SNUPN: variants seen among roughly 807,000 people sequenced by gnomAD.
SNUPN encodes snurportin-1.
In SNUPN, 31 loss-of-function variants were observed where a neutral mutation model predicts 39.2. The ratio of observed to expected loss-of-function variants is 0.79; its 90% CI spans 0.59 to 1.07. The LOEUF (loss-of-function observed/expected upper bound fraction) is 1.07, where lower values mean the gene tolerates loss of function less well. Ranked by LOEUF, SNUPN falls within the 50% of genes least tolerant of loss-of-function variation. SNUPN has a pLI of 0.00. For synonymous variants in SNUPN, 132 were observed against 159.0 expected, an observed-to-expected ratio of 0.83 and a Z score of 1.28; for missense variants, 382 against 434.2, an observed-to-expected ratio of 0.88 and a Z score of 1.07.
intron 5 of SNUPN, 91 bp from the exon 6 acceptor site, chr15:75,607,404 G>A: frequency 1.2e-6 from 1 of 816,184 alleles, no homozygotes; most frequent in Admixed American, 1.9e-5. Context: ...CCAGAGGCTT[G>A]AGTCCAACAA....
intron 3 of SNUPN, among the ~76,000 whole-genome samples, chr15:75,611,071 G>A (rs1892765716): frequency 6.6e-6 from 1 of 151,750 alleles, no homozygotes; most frequent in Non-Finnish European, 1.5e-5. Context: ...AGGAGGCTGA[G>A]GCAGGAAAAT....
intron 2 of SNUPN, among the ~76,000 whole-genome samples, chr15:75,620,399 T>A (rs1291836023): frequency 6.6e-6 from 1 of 152,174 alleles, no homozygotes; most frequent in African/African-American, 2.4e-5. Flanking sequence ...ATCTTGGCAC[T>A]TAGAATTAAG....
chr15:75,624,254 T>C (rs539053756), intron 1 of SNUPN, among the ~76,000 whole-genome samples: 2 of 151,282 alleles, frequency 1.3e-5, no homozygotes, highest in East Asian at 2.0e-4. Context: ...AGTCATTATG[T>C]TTTCAGTTCA....
chr15:75,608,032 AC>A (rs944208743), intron 5 of SNUPN, among the ~76,000 whole-genome samples: 4 of 152,154 alleles, frequency 2.6e-5, no homozygotes, highest in African/African-American at 9.7e-5. Context: ...TAGGGGAAAG[AC>A]ATGGGATGGG....
intron 7 of SNUPN, among the ~76,000 whole-genome samples, chr15:75,601,741 G>C (rs2075288845): frequency 6.6e-6 from 1 of 152,086 alleles, no homozygotes; most frequent in Admixed American, 6.6e-5. Context: ...GCCAGACCCT[G>C]TCTCAAAAAC....
At chr15:75,603,388 G>A (rs1435447023) in intron 7 of SNUPN, among the ~76,000 whole-genome samples, 2 of 150,196 alleles carry the variant, frequency 1.3e-5, no homozygotes, top group Non-Finnish European at 3.0e-5. Context: ...TGGGCCGGGT[G>A]CAGTGGATCA....
intron 7 of SNUPN, among the ~76,000 whole-genome samples, chr15:75,601,654 A>G (rs1040056851): frequency 2.6e-5 from 4 of 152,132 alleles, no homozygotes; most frequent in Non-Finnish European, 5.9e-5. Flanking sequence ...CTGCTGAGGT[A>G]GAAGGATCGC....
At chr15:75,602,032 T>C (rs2075291729) in intron 7 of SNUPN, among the ~76,000 whole-genome samples, 2 of 152,072 alleles carry the variant, frequency 1.3e-5, no homozygotes, top group South Asian at 4.1e-4. Flanking sequence ...CATGAGCCAC[T>C]GTACCCAGCC....
At chr15:75,604,787 A>G (rs2075318764) in intron 7 of SNUPN, among the ~76,000 whole-genome samples, 1 of 146,898 alleles carries the variant, frequency 6.8e-6, no homozygotes, top group Non-Finnish European at 1.6e-5. Context: ...GTTTGGTTAC[A>G]TGAATAAGTT....
chr15:75,606,321 C>A (rs561048601), intron 6 of SNUPN, among the ~76,000 whole-genome samples: 2 of 151,844 alleles, frequency 1.3e-5, no homozygotes, highest in Non-Finnish European at 2.9e-5. Context: ...ACCTAGTATG[C>A]GGGAATGGCT....
intron 5 of SNUPN, among the ~76,000 whole-genome samples, chr15:75,608,068 G>T (rs1892678209): frequency 6.6e-6 from 1 of 152,098 alleles, no homozygotes; most frequent in African/African-American, 2.4e-5. Context: ...CATGTGAAAG[G>T]TACTAAACGC....
At chr15:75,615,498 A>G (rs1427242379) in intron 3 of SNUPN, among the ~76,000 whole-genome samples, 3 of 150,854 alleles carry the variant, frequency 2.0e-5, no homozygotes, top group Admixed American at 6.6e-5. Flanking sequence ...ACTTCTATCT[A>G]TTAATGTCCT....
intron 2 of SNUPN, 57 bp downstream of exon 2, chr15:75,620,837 G>A: frequency 1.3e-6 from 2 of 1,491,596 alleles, no homozygotes; most frequent in Non-Finnish European, 1.8e-6. Flanking sequence ...AGAGCCTTCG[G>A]AATGGTTCAT....
At chr15:75,605,376 G>A (rs2075323329) in intron 6 of SNUPN, 149 bp from the exon 7 acceptor site, 9 of 482,750 alleles carry the variant, frequency 1.9e-5, no homozygotes, top group South Asian at 2.4e-5. Context: ...GTACAGTCTC[G>A]GCTCACTGTA....
intron 8 of SNUPN, among the ~76,000 whole-genome samples, chr15:75,599,999 C>T (rs538064708): frequency 6.6e-6 from 1 of 151,968 alleles, no homozygotes; most frequent in East Asian, 1.9e-4. Flanking sequence ...GCGTGTGCCA[C>T]CATGCCTGGC....
At chr15:75,605,359 T>C in intron 6 of SNUPN, 132 bp from the exon 7 acceptor site, 1 of 554,222 alleles carries the variant, frequency 1.8e-6, no homozygotes, top group African/African-American at 2.0e-5. Flanking sequence ...CAGGCTGGAG[T>C]GCAATGGTAC....
chr15:75,617,348 T>C, intron 3 of SNUPN, 60 bp downstream of exon 3: 1 of 1,553,288 alleles, frequency 6.4e-7, no homozygotes, highest in Non-Finnish European at 8.8e-7. Flanking sequence ...TTCAGTGGGC[T>C]TTGACTGCAT....
intron 1 of SNUPN, chr15:75,622,479 T>C (rs1271880839): frequency 1.0e-6 from 1 of 985,242 alleles, no homozygotes; most frequent in Non-Finnish European, 1.2e-6. Context: ...GACTTCCCAC[T>C]TTAGGTGGAC....
At chr15:75,608,232 A>G (rs1271453176) in intron 5 of SNUPN, among the ~76,000 whole-genome samples, 1 of 152,068 alleles carries the variant, frequency 6.6e-6, no homozygotes, top group East Asian at 1.9e-4. Flanking sequence ...AAATACAAAA[A>G]ATTAGCTGGG....
Sources: gnomAD v4.1 joint callset for allele counts (sites outside exome capture counted in the v4.1 genomes callset) on GRCh38, gnomAD v4.1.1 for gene constraint, MANE v1.5 for transcripts, NCBI Gene and HGNC (gene_info 2026-07-23, HGNC 2026-07-21) for gene names.